The following KALRN variants were observed in gnomAD, a reference collection of about 807,000 sequenced individuals.
The protein encoded by KALRN is kalirin.
KALRN carries 70 observed loss-of-function variants against 353.7 expected under a neutral mutation model. The observed-to-expected ratio is 0.20, with a 90% confidence interval of 0.16 to 0.24. The LOEUF (loss-of-function observed/expected upper bound fraction) is 0.24. Ranked by LOEUF, KALRN falls within the 10% of genes least tolerant of loss-of-function variation. The pLI is 1.00. For synonymous variants in KALRN, 1,391 were observed against 1,434.8 expected, an observed-to-expected ratio of 0.97 and a Z score of 0.69; for missense variants, 2,791 against 3,756.7, an observed-to-expected ratio of 0.74 and a Z score of 6.72.
intron 23 of KALRN, among the ~76,000 whole-genome samples, chr3:124,457,334 T>C (rs1350081839): frequency 6.6e-6 from 1 of 150,886 alleles, no homozygotes; most frequent in African/African-American, 2.4e-5. Flanking sequence ...CCTCCCAAAG[T>C]GCTGGGATTA....
At chr3:124,339,101 C>G (rs1009959053) in intron 9 of KALRN, among the ~76,000 whole-genome samples, 6 of 152,196 alleles carry the variant, frequency 3.9e-5, no homozygotes, top group Non-Finnish European at 5.9e-5. Context: ...AAGTTCAAAA[C>G]TGTTGGCAAG....
chr3:124,256,728 G>A (rs1327620142), intron 3 of KALRN, among the ~76,000 whole-genome samples: 5 of 152,286 alleles, frequency 3.3e-5, no homozygotes, highest in African/African-American at 1.2e-4. Context: ...GACTCTGTGG[G>A]CATCAGGTGT....
At chr3:124,185,231 G>T (rs983601057) in intron 1 of KALRN, among the ~76,000 whole-genome samples, 2 of 152,142 alleles carry the variant, frequency 1.3e-5, no homozygotes, top group African/African-American at 4.8e-5. Context: ...GGCCAGGCTG[G>T]TCTCGAACTC....
In KALRN at chr3:124,719,649, T is replaced by G; in HGVS notation, c.*179T>G. 1.6e-6 allele frequency: 1 copy of G among 615,934 alleles called. No individual in the cohort carries two copies. Among genetic ancestry groups the G allele is most frequent in the Admixed American group, 3.0e-5 (1 of 32,868 alleles). The allele number at this position is 615,934 out of a possible 1,614,324, so 38.2% of individuals were successfully genotyped here. ...GTCTGAGCAGCAGTAAAAGTCACCC[T>G]AAATCAAGGGGCTTTTCAGAAGGTC... On this transcript the variant is annotated 3_prime_UTR_variant, in exon 60 of 60. Coordinates refer to ENST00000682506, the MANE Select transcript of KALRN (RefSeq NM_001388419.1). The surrounding 1 kb of genome is among the most constrained non-coding windows in gnomAD (Gnocchi z 5.3).
At chr3:124,433,968 A>G (rs2093378056) in intron 16 of KALRN, among the ~76,000 whole-genome samples, 1 of 152,178 alleles carries the variant, frequency 6.6e-6, no homozygotes, top group South Asian at 2.1e-4. Context: ...TCTATTTGTA[A>G]AGGAAATTTA....
chr3:124,703,564 C>T (rs980642538), intron 57 of KALRN, among the ~76,000 whole-genome samples: 2 of 151,498 alleles, frequency 1.3e-5, no homozygotes, highest in African/African-American at 4.8e-5. Flanking sequence ...TCAAGCAATC[C>T]TCCTACCTCA....
At chr3:124,087,994 A>G (rs938657399) in intron 1 of KALRN, among the ~76,000 whole-genome samples, 1 of 152,204 alleles carries the variant, frequency 6.6e-6, no homozygotes, top group Non-Finnish European at 1.5e-5. Flanking sequence ...TGATTTGTAT[A>G]TCCTTCAAAA....
chr3:124,577,013 G>GAGCTCAGGCC (rs1446345062), intron 34 of KALRN, among the ~76,000 whole-genome samples: 1 of 152,118 alleles, frequency 6.6e-6, no homozygotes, highest in African/African-American at 2.4e-5. Flanking sequence ...ATCTGCCCCT[G>GAGCTCAGGCC]AGCTCAGGCC....
At chr3:124,698,269 C>G (rs1325678616) in intron 55 of KALRN, among the ~76,000 whole-genome samples, 1 of 152,244 alleles carries the variant, frequency 6.6e-6, no homozygotes, top group Non-Finnish European at 1.5e-5. Flanking sequence ...AGCCACCGCG[C>G]CCGGCCTCCT....
chr3:124,220,448 C>T (rs1441931689), intron 1 of KALRN, among the ~76,000 whole-genome samples: 1 of 151,808 alleles, frequency 6.6e-6, no homozygotes. Flanking sequence ...ATCTCTTGCT[C>T]TTACCCCTTT....
chr3:124,173,740 C>T (rs890379060), intron 1 of KALRN, among the ~76,000 whole-genome samples: 6 of 152,224 alleles, frequency 3.9e-5, no homozygotes, highest in South Asian at 2.1e-4. Flanking sequence ...CTCAGCCTCC[C>T]GAGTAGCTGG....
At chr3:124,100,191 C>CA (rs1176797224) in intron 1 of KALRN, 2 of 152,158 alleles carry the variant, frequency 1.3e-5, no homozygotes, top group East Asian at 3.9e-4. Context: ...CTATTCAGAT[C>CA]ATTTGCCCAC....
intron 18 of KALRN, among the ~76,000 whole-genome samples, chr3:124,440,616 T>A (rs2093636630): frequency 6.6e-6 from 1 of 150,808 alleles, no homozygotes; most frequent in South Asian, 2.1e-4. Flanking sequence ...TTTCTATTAA[T>A]TATATAATAA....
At chr3:124,304,279 T>C (rs1173557552) in intron 6 of KALRN, among the ~76,000 whole-genome samples, 1 of 152,278 alleles carries the variant, frequency 6.6e-6, no homozygotes, top group East Asian at 1.9e-4. Flanking sequence ...CCAGTAAGCA[T>C]TAGTCTTTTT....
intron 36 of KALRN, 72 bp from the exon 37 acceptor site, chr3:124,637,136 T>C: frequency 7.9e-7 from 1 of 1,260,478 alleles, no homozygotes; most frequent in Non-Finnish European, 1.2e-6. Flanking sequence ...TTGGACTTTC[T>C]GTTTTATTTC....
chr3:124,577,632 G>A (rs1486853130), intron 34 of KALRN, among the ~76,000 whole-genome samples: 1 of 152,192 alleles, frequency 6.6e-6, no homozygotes, highest in Non-Finnish European at 1.5e-5. Context: ...CATGCCTGTA[G>A]TCTCAGCACT....
At chr3:124,587,069 T>C (rs1347088385) in intron 34 of KALRN, among the ~76,000 whole-genome samples, 2 of 152,182 alleles carry the variant, frequency 1.3e-5, no homozygotes, top group Admixed American at 6.5e-5. Flanking sequence ...GCTTGCCCAA[T>C]TGCAACACCC....
chr3:124,565,724 G>T (rs1325307634), intron 34 of KALRN, among the ~76,000 whole-genome samples: 2 of 152,192 alleles, frequency 1.3e-5, no homozygotes, highest in Non-Finnish European at 2.9e-5. Context: ...CTAGCCTGAG[G>T]CTGGGTAAAA....
chr3:124,349,885 A>G (rs945066216), intron 10 of KALRN, among the ~76,000 whole-genome samples: 2 of 152,274 alleles, frequency 1.3e-5, no homozygotes, highest in Middle Eastern at 3.4e-3. Context: ...GTTAGGGGGC[A>G]AAGGATGGGA....
Sources: gnomAD v4.1 joint callset for allele counts (sites outside exome capture counted in the v4.1 genomes callset) on GRCh38, gnomAD v4.1.1 for gene constraint, Gnocchi (gnomAD v3.1) non-coding constraint, MANE v1.5 for transcripts, NCBI Gene and HGNC (gene_info 2026-07-23, HGNC 2026-07-21) for gene names.